Variants in CSMD2 observed in about 807,000 individuals in gnomAD.
CSMD2 encodes CUB and sushi domain-containing protein 2.
In CSMD2, 130 loss-of-function variants were observed where a neutral mutation model predicts 398.5. That is an observed-to-expected ratio of 0.33 (90% CI 0.28 to 0.38). The LOEUF (loss-of-function observed/expected upper bound fraction) is 0.38, where lower values mean the gene tolerates loss of function less well. CSMD2 is among the 10% of genes least tolerant of loss of function. The pLI is 1.00. For missense variants in CSMD2, 3,829 were observed against 4,764.9 expected (o/e 0.80, Z 5.78); for synonymous variants, 1,828 against 1,908.5 (o/e 0.96, Z 1.10).
At chr1:33,683,289 T>C (rs1218998137) in intron 25 of CSMD2, among the ~76,000 whole-genome samples, 1 of 152,270 alleles carries the variant, frequency 6.6e-6, no homozygotes, top group Non-Finnish European at 1.5e-5. Flanking sequence ...GATTATTATG[T>C]CTATATCCAT....
intron 5 of CSMD2, among the ~76,000 whole-genome samples, chr1:33,907,042 C>T (rs79985919): frequency 0.012 from 1,767 of 151,898 alleles, 18 homozygotes; most frequent in Non-Finnish European, 0.019. Context: ...TGAAAAACGC[C>T]TTCTGGCATT....
In CSMD2 at chr1:33,533,404, A is replaced by C. The variant is rs1655444475; in HGVS notation, c.9992-175T>G. Among the ~76,000 whole-genome samples the C allele has an allele frequency of 6.6e-6, 1 of 152,176 alleles. No individual in the cohort carries two copies. The highest frequency in any genetic ancestry group is 2.4e-5 in the African/African-American group (1 of 41,442). On this transcript the variant is annotated intron_variant, in intron 63 of 70. Coordinates refer to ENST00000373381, the MANE Select transcript of CSMD2 (RefSeq NM_001281956.2). This position sits in a 1 kb window ranked among gnomAD's most constrained non-coding sequence, Gnocchi z 4.2. ...CTAACCCAAGCTCTGTGTCTAGAGG[A>C]ATGGCCAAGATGGAGATCATGTGGA... is the stretch of plus-strand genomic sequence containing the variant.
chr1:33,929,191 TC>T (rs915602248), intron 4 of CSMD2, among the ~76,000 whole-genome samples: 8 of 152,028 alleles, frequency 5.3e-5, no homozygotes, highest in African/African-American at 1.7e-4. Flanking sequence ...GTTGGCTGTA[TC>T]CCCAAAGCAC....
chr1:33,620,701 T>C (rs967572577), intron 37 of CSMD2, among the ~76,000 whole-genome samples: 2 of 151,950 alleles, frequency 1.3e-5, no homozygotes, highest in African/African-American at 4.8e-5. Context: ...CCCAGGATAT[T>C]TCACTCCACC....
intron 5 of CSMD2, chr1:33,864,496 T>G: frequency 6.2e-7 from 1 of 1,613,796 alleles, no homozygotes; most frequent in Non-Finnish European, 8.5e-7. Context: ...TCCTTCCTAC[T>G]CTTCTGCCAA....
chr1:33,957,424 G>A (rs369989064), intron 3 of CSMD2, among the ~76,000 whole-genome samples: 1 of 151,972 alleles, frequency 6.6e-6, no homozygotes, highest in Non-Finnish European at 1.5e-5. Context: ...TGATTACCCT[G>A]GGCCTCCTGC....
chr1:34,105,403 G>C (rs947623257), intron 1 of CSMD2, among the ~76,000 whole-genome samples: 21 of 152,136 alleles, frequency 1.4e-4, no homozygotes, highest in African/African-American at 4.3e-4. Context: ...GAGAACGACT[G>C]GTCTAATTCT....
chr1:33,758,645 T>C (rs1380550820), intron 13 of CSMD2, among the ~76,000 whole-genome samples: 4 of 152,242 alleles, frequency 2.6e-5, no homozygotes, highest in Non-Finnish European at 5.9e-5. Context: ...TGGTAGATCA[T>C]ACTAATTGTT....
intron 11 of CSMD2, 142 bp from the exon 12 acceptor site, chr1:33,788,854 T>A: frequency 1.6e-6 from 1 of 614,082 alleles, no homozygotes; most frequent in Non-Finnish European, 2.9e-6. Context: ...TTTCTGACTC[T>A]GGAGCCCAGC....
At chr1:33,666,175 C>A (rs559333070) in intron 25 of CSMD2, among the ~76,000 whole-genome samples, 2 of 152,280 alleles carry the variant, frequency 1.3e-5, no homozygotes, top group South Asian at 4.1e-4. Flanking sequence ...TCCATATTCT[C>A]AAATTTTGAT....
chr1:33,975,405 T>C (rs1645922064), intron 3 of CSMD2, among the ~76,000 whole-genome samples: 1 of 151,936 alleles, frequency 6.6e-6, no homozygotes, highest in African/African-American at 2.4e-5. Context: ...AGGGACATAA[T>C]ACACGGTATT....
intron 25 of CSMD2, among the ~76,000 whole-genome samples, chr1:33,681,377 T>C (rs1222011888): frequency 6.6e-6 from 1 of 152,222 alleles, no homozygotes; most frequent in Non-Finnish European, 1.5e-5. Context: ...CCTAAACTTG[T>C]ATTTTCTCTA....
At chr1:34,001,036 AGAG>A (rs1048464645) in intron 3 of CSMD2, among the ~76,000 whole-genome samples, 7 of 148,940 alleles carry the variant, frequency 4.7e-5, no homozygotes, top group Non-Finnish European at 7.5e-5. Flanking sequence ...AAGAGGAGGG[AGAG>A]GAGGAGGAGG....
intron 3 of CSMD2, among the ~76,000 whole-genome samples, chr1:33,978,257 G>A (rs1394154744): frequency 6.6e-6 from 1 of 152,180 alleles, no homozygotes; most frequent in Non-Finnish European, 1.5e-5. Flanking sequence ...TATGTCTGGT[G>A]CTTCAAATTT....
chr1:34,121,944 A>G (rs970481803), intron 1 of CSMD2, among the ~76,000 whole-genome samples: 1 of 151,238 alleles, frequency 6.6e-6, no homozygotes, highest in African/African-American at 2.4e-5. Flanking sequence ...GATCTTGGAT[A>G]TACAATAGGG....
intron 5 of CSMD2, among the ~76,000 whole-genome samples, chr1:33,888,682 A>C (rs1265485380): frequency 6.6e-6 from 1 of 152,224 alleles, no homozygotes; most frequent in African/African-American, 2.4e-5. Context: ...TATAATTTCC[A>C]AGCAGGAAGG....
At chr1:34,115,226 A>C (rs1426444141) in intron 1 of CSMD2, among the ~76,000 whole-genome samples, 1 of 152,166 alleles carries the variant, frequency 6.6e-6, no homozygotes, top group Non-Finnish European at 1.5e-5. Context: ...TCTAAAGAAG[A>C]AAATCAAAAT....
At chr1:34,154,185 G>A (rs1396515965) in intron 1 of CSMD2, among the ~76,000 whole-genome samples, 2 of 152,146 alleles carry the variant, frequency 1.3e-5, no homozygotes, top group Non-Finnish European at 2.9e-5. Flanking sequence ...TTAATACAAC[G>A]AGATGGCACT....
intron 4 of CSMD2, among the ~76,000 whole-genome samples, chr1:33,921,014 T>A (rs1167976838): frequency 1.3e-5 from 2 of 152,132 alleles, no homozygotes; most frequent in Non-Finnish European, 2.9e-5. Flanking sequence ...GTTTAGGGAC[T>A]TATTAGGCAG....
Sources: gnomAD v4.1 joint callset for allele counts (sites outside exome capture counted in the v4.1 genomes callset) on GRCh38, gnomAD v4.1.1 for gene constraint, Gnocchi (gnomAD v3.1) non-coding constraint, MANE v1.5 for transcripts, NCBI Gene and HGNC (gene_info 2026-07-23, HGNC 2026-07-21) for gene names.